The following FUCA1 variants were observed in gnomAD, a reference collection of about 807,000 sequenced individuals.
The protein encoded by FUCA1 is tissue alpha-L-fucosidase.
FUCA1 carries 52 observed loss-of-function variants against 56.8 expected under a neutral mutation model. That is an observed-to-expected ratio of 0.92 (90% CI 0.73 to 1.15). FUCA1 has a LOEUF of 1.15. FUCA1 is among the 50% of genes most tolerant of loss of function. The pLI, the probability that FUCA1 is intolerant of heterozygous loss-of-function variation, is 0.00. For synonymous variants in FUCA1, 230 were observed against 226.6 expected, an observed-to-expected ratio of 1.02 and a Z score of -0.14; for missense variants, 568 against 592.6, an observed-to-expected ratio of 0.96 and a Z score of 0.43.
intron 4 of FUCA1, among the ~76,000 whole-genome samples, chr1:23,856,853 G>T (rs1012934195): frequency 1.3e-5 from 2 of 151,986 alleles, no homozygotes; most frequent in African/African-American, 4.8e-5. Flanking sequence ...TTAGCCAGGT[G>T]TGATGGTGTG....
chr1:23,857,127 G>T (rs1639407840), intron 4 of FUCA1, among the ~76,000 whole-genome samples: 1 of 151,920 alleles, frequency 6.6e-6, no homozygotes, highest in South Asian at 2.1e-4. Context: ...TTTTCCTTCT[G>T]TGATACTCCT....
At position 23,867,768 on chromosome 1, in the gene FUCA1, AG is replaced by A. The variant is rs1475744239; in HGVS notation, c.389+129del. On this transcript the variant is annotated intron_variant, in intron 1 of 7. Transcript: ENST00000374479. The surrounding 1 kb of genome is among the most constrained non-coding windows in gnomAD (Gnocchi z 4.9). ...GTGCCAGGCTCACTCCTGTGGCCGCAGGAGGCCACACGCGGGCCCCGGGGTC... is the reference window on the plus strand; with the variant it reads ...GTGCCAGGCTCACTCCTGTGGCCGCAGAGGCCACACGCGGGCCCCGGGGTC... 1 of 1,426,236 alleles carries A rather than the reference AG, an allele frequency of 7.0e-7. No individual in the cohort carries two copies. The highest frequency in any genetic ancestry group is 9.1e-7 in the Non-Finnish European group (1 of 1,099,336). 88.3% of individuals were successfully genotyped at this position (1,426,236 alleles called of 1,614,324 possible).
chr1:23,855,249 A>G (rs1002077099), intron 4 of FUCA1, among the ~76,000 whole-genome samples: 1 of 152,172 alleles, frequency 6.6e-6, no homozygotes, highest in Non-Finnish European at 1.5e-5. Context: ...AAAAACTGAA[A>G]CCATTTGGGA....
At position 23,854,402 on chromosome 1, in the gene FUCA1, G is replaced by A. The variant is rs1639347894; in HGVS notation, c.927C>T (p.Asp309=). The change falls in exon 5 of 8, where the codon GAC becomes GAT. Residue 309 remains aspartate, a synonymous_variant. Transcript: ENST00000374479. Reference sequence around the variant, plus strand: ...CTTCTGTAACATCAGACAATGCCATGTCACGACGATAGCCCCAGGAAAACT... The same window carrying A: ...CTTCTGTAACATCAGACAATGCCATATCACGACGATAGCCCCAGGAAAACT... ...IDKFSWGYRR[D]MALSDVTEES... 1 of 1,613,848 alleles carries A rather than the reference G, an allele frequency of 6.2e-7. No homozygotes were observed. The highest frequency in any genetic ancestry group is 8.5e-7 in the Non-Finnish European group (1 of 1,179,992).
intron 3 of FUCA1, among the ~76,000 whole-genome samples, chr1:23,861,378 T>TA (rs2148446922): frequency 6.7e-6 from 1 of 148,912 alleles, no homozygotes; most frequent in East Asian, 2.0e-4. Flanking sequence ...ATGGCACATG[T>TA]ATACATATGT....
intron 2 of FUCA1, among the ~76,000 whole-genome samples, chr1:23,864,141 C>A (rs1470231340): frequency 7.1e-6 from 1 of 141,614 alleles, no homozygotes; most frequent in African/African-American, 2.7e-5. Flanking sequence ...GGCTGGAGTG[C>A]AGTGGCGCAA....
rs1186488065 is a variant in FUCA1 at position 23,845,830 on chromosome 1, T to TA, written c.1285_1286insT (p.Asp429ValfsTer10). 1 of 1,614,122 alleles carries TA rather than the reference T, an allele frequency of 6.2e-7. No individual in the cohort carries two copies. The highest frequency in any genetic ancestry group is 1.7e-5 in the Admixed American group (1 of 60,006). On this transcript the variant is annotated frameshift_variant, in exon 8 of 8. Transcript: ENST00000374479. LOFTEE classifies it low-confidence loss of function (END_TRUNC). Reference sequence around the variant, plus strand: ...ATCTGGATCTGTGGACCACTTCAGATCTCCTTGAATTCCCAGCATTGTTAT... The same window carrying TA: ...ATCTGGATCTGTGGACCACTTCAGATACTCCTTGAATTCCCAGCATTGTTAT...
In FUCA1 at chr1:23,848,682, C is replaced by A; in HGVS notation, c.1127G>T (p.Arg376Leu). 6.2e-7 allele frequency: 1 copy of A among 1,614,138 alleles called. No individual in the cohort carries two copies. The highest frequency in any genetic ancestry group is 8.5e-7 in the Non-Finnish European group (1 of 1,180,016). ...GEAIYASKPW[R>L]VQWEKNTTSV... The stretch of plus-strand genomic sequence containing the variant: ...TGTTGTGTTCTTTTCCCATTGCACC[C>A]GCCATGGTTTGGAGGCATAGATAGC... The change falls in exon 6 of 8, where the codon CGG (arginine) becomes CTG (leucine). Residue 376 changes from arginine to leucine, a missense_variant. Coordinates refer to ENST00000374479, the MANE Select transcript of FUCA1 (RefSeq NM_000147.5).
rs867822711 is a variant in FUCA1, at chr1:23,864,087, C to T, written c.525-816G>A. 4.0e-3 allele frequency among the ~76,000 whole-genome samples: 526 copies of T among 131,006 alleles called. 6 individuals are homozygous for T. The highest frequency in any genetic ancestry group is 0.014 in the African/African-American group (497 of 34,992). 85.9% of individuals were successfully genotyped at this position (131,006 alleles called of 152,430 possible). ...ACTAATAGTTCTTTCTCTTTTTTTC[C>T]TTTTTTTTTTTTTTTTTGAGATGGA... is the stretch of plus-strand genomic sequence containing the variant. On this transcript the variant is annotated intron_variant, in intron 2 of 7. Coordinates refer to ENST00000374479, the MANE Select transcript of FUCA1 (RefSeq NM_000147.5).
At chr1:23,860,909 G>T (rs1011276243) in intron 3 of FUCA1, among the ~76,000 whole-genome samples, 3 of 152,008 alleles carry the variant, frequency 2.0e-5, no homozygotes, top group Non-Finnish European at 2.9e-5. Flanking sequence ...AAAGTGCTGG[G>T]ATTTCAGGCA....
intron 5 of FUCA1, among the ~76,000 whole-genome samples, chr1:23,851,459 C>G (rs1317703039): frequency 6.6e-6 from 1 of 152,140 alleles, no homozygotes; most frequent in Non-Finnish European, 1.5e-5. Context: ...CTCTGCACAA[C>G]TTTCTTGTGT....
At chr1:23,845,953 C>T in intron 7 of FUCA1, 98 bp from the exon 8 acceptor site, 2 of 1,544,962 alleles carry the variant, frequency 1.3e-6, no homozygotes, top group Non-Finnish European at 1.8e-6. Flanking sequence ...TGGGCCAGGG[C>T]AGGAAAGCCA....
Position 23,848,838 on chromosome 1 carries a change from T to G in FUCA1, c.971A>C (p.Glu324Ala). The change falls in exon 6 of 8, where the codon GAA (glutamate) becomes GCA (alanine). Residue 324 changes from glutamate to alanine, a missense_variant and splice_region_variant. Glu to Ala is a moderately radical substitution (Grantham distance 107). Coordinates refer to ENST00000374479, the MANE Select transcript of FUCA1 (RefSeq NM_000147.5). ...DVTEESEIIS[E>A]LVQTVSLGGN... ...TCCCAAACTTACTGTCTGAACCAGT[T>G]CCTGGAGAGAACAGAAACAATGAAA... 1 of 1,613,810 alleles carries G rather than the reference T, an allele frequency of 6.2e-7. No homozygotes were observed. The highest frequency in any genetic ancestry group is 8.5e-7 in the Non-Finnish European group (1 of 1,179,734).
chr1:23,865,692 G>A, intron 1 of FUCA1, 67 bp from the exon 2 acceptor site: 1 of 1,576,540 alleles, frequency 6.3e-7, no homozygotes, highest in Non-Finnish European at 8.7e-7. Context: ...TGCCCAGCAT[G>A]CCTGAGGCTT....
In FUCA1 at chr1:23,854,393, C is replaced by T. The variant is rs140932886; in HGVS notation, c.936G>A (p.Leu312=). The part of the protein sequence containing the change: ...FSWGYRRDMA[L]SDVTEESEII... ...TTTCAGATTCTTCTGTAACATCAGACAATGCCATGTCACGACGATAGCCCC... is the reference window on the plus strand; with the variant it reads ...TTTCAGATTCTTCTGTAACATCAGATAATGCCATGTCACGACGATAGCCCC... Residue 312 remains leucine (L), a synonymous_variant, in exon 5 of 8, where the codon TTG becomes TTA. Coordinates refer to ENST00000374479, the MANE Select transcript of FUCA1 (RefSeq NM_000147.5). 121 of 1,613,790 alleles carry T rather than the reference C, an allele frequency of 7.5e-5. No individual in the cohort carries two copies. Among genetic ancestry groups the T allele is most frequent in the Non-Finnish European group, 9.3e-5 (110 of 1,179,974 alleles).
In FUCA1 at chr1:23,868,230, C is replaced by A; in HGVS notation, c.57G>T (p.Leu19=). ...CCGACTCGGCCGCTCCGAGGAAGAG[C>A]AGCAGCAGCAACAGCGCGGGACCCG... ...RPAGPALLLL[L]LFLGAAESVR... is the part of the protein sequence containing the mutation. The change falls in exon 1 of 8, where the codon CTG becomes CTT. Residue 19 remains leucine (L), a synonymous_variant. Transcript: ENST00000374479. 6.3e-7 allele frequency: 1 copy of A among 1,578,488 alleles called. No homozygotes were observed. The highest frequency in any genetic ancestry group is 1.3e-5 in the African/African-American group (1 of 74,294).
intron 5 of FUCA1, among the ~76,000 whole-genome samples, chr1:23,853,624 G>A (rs1383175010): frequency 2.0e-5 from 3 of 151,480 alleles, no homozygotes; most frequent in African/African-American, 4.9e-5. Flanking sequence ...AATAGAAAGG[G>A]GGGAAAGGCG....
At chr1:23,852,422 A>G (rs1639280763) in intron 5 of FUCA1, among the ~76,000 whole-genome samples, 2 of 151,054 alleles carry the variant, frequency 1.3e-5, no homozygotes, top group South Asian at 4.2e-4. Context: ...ACCCCATTTC[A>G]TTAAAAAAAA....
At chr1:23,860,083 C>T (rs1279954392) in intron 3 of FUCA1, among the ~76,000 whole-genome samples, 180 bp from the exon 4 acceptor site, 2 of 152,158 alleles carry the variant, frequency 1.3e-5, no homozygotes, top group African/African-American at 4.8e-5. Context: ...TCAAGCGATC[C>T]TCTTGCCTAA....
Sources: gnomAD v4.1 joint callset for allele counts (sites outside exome capture counted in the v4.1 genomes callset) on GRCh38, gnomAD v4.1.1 for gene constraint, Gnocchi (gnomAD v3.1) non-coding constraint, MANE v1.5 for transcripts, NCBI Gene and HGNC (gene_info 2026-07-23, HGNC 2026-07-21) for gene names.